The following PKHD1 variants were observed in gnomAD, a reference collection of about 807,000 sequenced individuals.
The protein encoded by PKHD1 is fibrocystin.
PKHD1 carries 291 observed loss-of-function variants against 412.0 expected under a neutral mutation model. The observed-to-expected ratio is 0.71, with a 90% CI of 0.64 to 0.78. The LOEUF (loss-of-function observed/expected upper bound fraction) is 0.78. PKHD1 is among the 30% of genes least tolerant of loss of function. The pLI is 0.00. For synonymous variants in PKHD1, 1,777 were observed against 1,821.5 expected (o/e 0.98, Z 0.62); for missense variants, 4,825 against 4,950.7 (o/e 0.97, Z 0.76).
rs189796249 is a variant in PKHD1 at position 51,643,951 on chromosome 6, T to C, written c.11398+4080A>G. 1.7e-3 allele frequency among the ~76,000 whole-genome samples: 251 copies of C among 151,754 alleles called. 1 individual carries two copies. Among genetic ancestry groups the C allele is most frequent in the African/African-American group, 5.8e-3 (240 of 41,396 alleles). ...TGTCTTAATAAGTAATTAGATGGGT[T>C]AAAAAAAATAACAGGTCAAAATAGT... On this transcript the variant is annotated intron_variant, in intron 63 of 66. Coordinates refer to ENST00000371117, the MANE Select transcript of PKHD1 (RefSeq NM_138694.4).
intron 37 of PKHD1, among the ~76,000 whole-genome samples, chr6:51,914,840 A>G (rs1266874): frequency 0.49 from 74,421 of 151,858 alleles, 19,908 homozygotes; most frequent in East Asian, 0.87. Context: ...CTTTCCGCTC[A>G]TGTCCTTGCT....
intron 60 of PKHD1, among the ~76,000 whole-genome samples, chr6:51,666,408 A>G (rs1439006804): frequency 6.6e-6 from 1 of 152,178 alleles, no homozygotes; most frequent in African/African-American, 2.4e-5. Context: ...TATTTTTTAT[A>G]GAGAAGACAG....
At chr6:51,970,060 G>A (rs1214887001) in intron 35 of PKHD1, among the ~76,000 whole-genome samples, 1 of 152,130 alleles carries the variant, frequency 6.6e-6, no homozygotes, top group Non-Finnish European at 1.5e-5. Flanking sequence ...CACCAACAGT[G>A]TATAAATGCT....
At chr6:51,766,008 T>C (rs1384673007) in intron 55 of PKHD1, among the ~76,000 whole-genome samples, 2 of 152,112 alleles carry the variant, frequency 1.3e-5, no homozygotes, top group Non-Finnish European at 2.9e-5. Flanking sequence ...AGTTGACATA[T>C]TCATGTTTTC....
intron 35 of PKHD1, among the ~76,000 whole-genome samples, chr6:51,971,906 T>C (rs866821309): frequency 9.9e-5 from 15 of 151,966 alleles, no homozygotes; most frequent in Non-Finnish European, 1.3e-4. Context: ...AATTTTTGTA[T>C]ATTTCTGTAG....
chr6:51,804,828 G>A (rs933924607), intron 52 of PKHD1, among the ~76,000 whole-genome samples: 25 of 152,032 alleles, frequency 1.6e-4, no homozygotes, highest in South Asian at 2.1e-4. Flanking sequence ...ATCACAATGA[G>A]ATACCATCTC....
chr6:52,050,072 T>G, intron 22 of PKHD1, 85 bp downstream of exon 22: 1 of 1,329,814 alleles, frequency 7.5e-7, no homozygotes, highest in Non-Finnish European at 1.1e-6. Flanking sequence ...CAGGTAGCTT[T>G]TCCTGAAAAA....
chr6:51,841,498 CCT>C (rs2151584430), intron 50 of PKHD1, among the ~76,000 whole-genome samples: 1 of 152,298 alleles, frequency 6.6e-6, no homozygotes, highest in South Asian at 2.1e-4. Flanking sequence ...ACATCCCCAG[CCT>C]CTGTTCTGTT....
chr6:52,045,999 C>A lies in PKHD1; in HGVS notation c.2592+5G>T, dbSNP rs373812918. On this transcript the variant is annotated splice_donor_5th_base_variant and intron_variant, in intron 24 of 66. Transcript: ENST00000371117. ...CCATGCCACTAGAAGGGATACTATA[C>A]ATACCCTGATAAAATTGGGCAAATC... is the stretch of plus-strand genomic sequence containing the variant. The A allele has an allele frequency of 1.2e-6, 2 of 1,605,522 alleles. No individual in the cohort carries two copies. The highest frequency in any genetic ancestry group is 2.7e-5 in the African/African-American group (2 of 74,686).
Position 51,933,378 on chromosome 6 carries a change from A to T in PKHD1, c.6121+732T>A, listed in dbSNP as rs1583441902. 2.6e-5 allele frequency among the ~76,000 whole-genome samples: 4 copies of T among 152,122 alleles called. No homozygotes were observed. In the East Asian group the frequency reaches 7.7e-4, roughly 29 times the overall value. The stretch of plus-strand genomic sequence containing the variant: ...GGATTCTAAGTAGAACTGTAATTAA[A>T]CCCTGCTCATGGGGTAGAGGGTTTG... On this transcript the variant is annotated intron_variant, in intron 37 of 66. Transcript: ENST00000371117.
intron 35 of PKHD1, among the ~76,000 whole-genome samples, chr6:51,995,766 G>A (rs12205828): frequency 0.091 from 13,878 of 152,080 alleles, 648 homozygotes; most frequent in South Asian, 0.12. Flanking sequence ...TACATTCTAC[G>A]AGGTAGGAGT....
chr6:52,072,304 T>C, intron 7 of PKHD1, 115 bp from the exon 8 acceptor site: 1 of 744,204 alleles, frequency 1.3e-6, no homozygotes, highest in South Asian at 1.5e-5. Context: ...CCTCTGGATT[T>C]TTCTGCACTA....
At position 51,775,931 on chromosome 6, in the gene PKHD1, A is replaced by G. The variant is rs1255643305; in HGVS notation, c.8441-10T>C. 2.5e-6 allele frequency: 3 copies of G among 1,203,508 alleles called. No homozygotes were observed. Among genetic ancestry groups the G allele is most frequent in the Middle Eastern group, 1.9e-4 (1 of 5,266 alleles). The allele number at this position is 1,203,508 out of a possible 1,614,324, so 74.6% of individuals were successfully genotyped here. A position where few individuals can be genotyped will look rare whatever the true frequency, so the allele number is the denominator to read the frequency against. ...GGATTTTCTAAAGTACCTGTTTACAAAGAAAAGTATATCATTCAAATCAAT... is the reference window on the plus strand; with the variant it reads ...GGATTTTCTAAAGTACCTGTTTACAGAGAAAAGTATATCATTCAAATCAAT... On this transcript the variant is annotated splice_polypyrimidine_tract_variant and intron_variant, in intron 53 of 66. Transcript: ENST00000371117.
intron 44 of PKHD1, 116 bp downstream of exon 44, chr6:51,887,017 A>G: frequency 1.3e-6 from 1 of 748,506 alleles, no homozygotes; most frequent in Non-Finnish European, 2.4e-6. Context: ...CAGAAAATGC[A>G]CAGGAACATC....
At chr6:51,664,947 T>C (rs1773483035) in intron 60 of PKHD1, among the ~76,000 whole-genome samples, 1 of 152,142 alleles carries the variant, frequency 6.6e-6, no homozygotes, top group Non-Finnish European at 1.5e-5. Flanking sequence ...AAGAGTTTCA[T>C]CAAATATTAG....
intron 60 of PKHD1, among the ~76,000 whole-genome samples, chr6:51,664,253 A>G (rs1384020978): frequency 1.3e-5 from 2 of 152,164 alleles, no homozygotes; most frequent in Admixed American, 6.6e-5. Flanking sequence ...CCATTCCACT[A>G]TTCAGTCATG....
intron 61 of PKHD1, among the ~76,000 whole-genome samples, chr6:51,657,310 G>GT (rs1772035803): frequency 6.6e-6 from 1 of 151,880 alleles, no homozygotes; most frequent in South Asian, 2.1e-4. Flanking sequence ...TTTTGGTTTG[G>GT]TTTTTTATCA....
At position 52,059,259 on chromosome 6, in the gene PKHD1, C is replaced by CTTTTTTTTTTTTTTTTTTTTTTTTTTTT. The variant is rs55992586; in HGVS notation, c.1234-659_1234-658insAAAAAAAAAAAAAAAAAAAAAAAAAAAA. On this transcript the variant is annotated intron_variant, in intron 15 of 66. Transcript: ENST00000371117. ...CTTTCTTTTTTTTCTTTTTCTTTTT[C>CTTTTTTTTTTTTTTTTTTTTTTTTTTTT]TTTTTTTTTTTTTTTTTTTTTTTTG... 1.4e-4 allele frequency among the ~76,000 whole-genome samples: 12 copies of CTTTTTTTTTTTTTTTTTTTTTTTTTTTT among 83,518 alleles called. 1 individual carries two copies. Among genetic ancestry groups the CTTTTTTTTTTTTTTTTTTTTTTTTTTTT allele is most frequent in the African/African-American group, 4.2e-4 (8 of 19,166 alleles). 54.8% of individuals were successfully genotyped at this position (83,518 alleles called of 152,430 possible).
chr6:51,828,165 C>T (rs1767646140), intron 52 of PKHD1, among the ~76,000 whole-genome samples: 1 of 151,888 alleles, frequency 6.6e-6, no homozygotes, highest in South Asian at 2.1e-4. Flanking sequence ...TTGGAGATAT[C>T]AGAGCAGGTA....
Sources: allele counts gnomAD v4.1 joint callset (sites outside exome capture counted in the v4.1 genomes callset), GRCh38; gene constraint gnomAD v4.1.1; transcripts MANE v1.5; gene names NCBI Gene and HGNC (gene_info 2026-07-23, HGNC 2026-07-21).